The following FCRL5 variants were observed in gnomAD, a reference collection of about 807,000 sequenced individuals.
The protein encoded by FCRL5 is Fc receptor-like protein 5.
In FCRL5, 79 loss-of-function variants were observed where a neutral mutation model predicts 92.1. That is an observed-to-expected ratio of 0.86 (90% CI 0.72 to 1.03). FCRL5 has a LOEUF of 1.03. Ranked by LOEUF, FCRL5 falls within the 50% of genes least tolerant of loss-of-function variation. FCRL5 has a pLI of 0.00. For missense variants in FCRL5, 1,160 were observed against 1,181.1 expected (o/e 0.98, Z 0.26); for synonymous variants, 466 against 469.3 (o/e 0.99, Z 0.09).
intron 6 of FCRL5, 140 bp from the exon 7 acceptor site, chr1:157,539,504 T>C (rs1386544586): frequency 1.4e-6 from 1 of 733,250 alleles, no homozygotes; most frequent in Non-Finnish European, 2.1e-6. Context: ...GCAAACCTGC[T>C]TTTTATTTTA....
At chr1:157,550,131 A>G (rs958166185) in intron 1 of FCRL5, among the ~76,000 whole-genome samples, 3 of 152,124 alleles carry the variant, frequency 2.0e-5, no homozygotes, top group Non-Finnish European at 4.4e-5. Flanking sequence ...AGGGCACAGA[A>G]GTGGAGAAAT....
Position 157,542,984 on chromosome 1 carries a change from A to G in FCRL5, c.998T>C (p.Val333Ala), listed in dbSNP as rs1571106465. 6.2e-7 allele frequency: 1 copy of G among 1,614,174 alleles called. No individual in the cohort carries two copies. The highest frequency in any genetic ancestry group is 8.5e-7 in the Non-Finnish European group (1 of 1,180,018). The change falls in exon 6 of 17, where the codon GTC (valine) becomes GCC (alanine). Residue 333 changes from valine to alanine, a missense_variant. Coordinates refer to ENST00000361835, the MANE Select transcript of FCRL5 (RefSeq NM_031281.3). Reference sequence around the variant, plus strand: ...GATGGATGCTCCCCTTTCACAGCGGACTGACTTGTGCCTCAGGGGGACACC... The same window carrying G: ...GATGGATGCTCCCCTTTCACAGCGGGCTGACTTGTGCCTCAGGGGGACACC... ...HEGVPLRHKS[V>A]RCERGASISF... is the part of the protein sequence containing the mutation.
At chr1:157,539,840 T>C (rs6668170) in intron 6 of FCRL5, among the ~76,000 whole-genome samples, 2,353 of 152,352 alleles carry the variant, frequency 0.015, 48 homozygotes, top group African/African-American at 0.054. Flanking sequence ...TTGTGTATTC[T>C]GCTAAAGGTT....
chr1:157,545,116 C>T (rs4486445), intron 3 of FCRL5, 34 bp from the exon 4 acceptor site: 1 of 1,581,656 alleles, frequency 6.3e-7, no homozygotes, highest in Non-Finnish European at 8.5e-7. Context: ...TTTGGTTCAT[C>T]CTACTGTTTC....
rs1353234555 is a variant in FCRL5 at position 157,544,554 on chromosome 1, G to A, written c.560-8C>T. ...CTGGACGTGTAAATGGCTCTAGAGA[G>A]AAGAATCACAACAGTCCCAGAGCAA... On this transcript the variant is annotated splice_region_variant and splice_polypyrimidine_tract_variant and intron_variant, in intron 4 of 16. Transcript: ENST00000361835. 1 of 1,611,980 alleles carries A rather than the reference G, an allele frequency of 6.2e-7. No individual in the cohort carries two copies. The highest frequency in any genetic ancestry group is 1.3e-5 in the African/African-American group (1 of 74,854).
chr1:157,548,297 A>G (rs1651651580), intron 2 of FCRL5, among the ~76,000 whole-genome samples: 2 of 152,244 alleles, frequency 1.3e-5, no homozygotes. Context: ...CAGCAAGAAA[A>G]CAGGAGATAT....
Position 157,552,163 on chromosome 1 carries a change from A to G in FCRL5, c.31+169T>C, listed in dbSNP as rs1273023441. The stretch of plus-strand genomic sequence containing the variant: ...CCTTCCAGCTGTGGCCATTTTCTTC[A>G]GCCTCAAGAGAAAGCCCTGAGCTAC... On this transcript the variant is annotated intron_variant, in intron 1 of 16. Coordinates refer to ENST00000361835, the MANE Select transcript of FCRL5 (RefSeq NM_031281.3). Among the ~76,000 whole-genome samples, 4 of 152,204 alleles carry G rather than the reference A, an allele frequency of 2.6e-5. No homozygotes were observed. In the East Asian group the frequency reaches 5.8e-4, roughly 22 times the overall value.
chr1:157,536,142 A>G (rs1043686413), intron 7 of FCRL5, among the ~76,000 whole-genome samples: 3 of 151,804 alleles, frequency 2.0e-5, no homozygotes, highest in African/African-American at 7.3e-5. Context: ...GGATTTCACT[A>G]TGTTGGCCAG....
chr1:157,538,895 C>A (rs892491424), intron 7 of FCRL5, among the ~76,000 whole-genome samples, 191 bp downstream of exon 7: 1 of 152,190 alleles, frequency 6.6e-6, no homozygotes, highest in African/African-American at 2.4e-5. Flanking sequence ...GGTGGGAAGG[C>A]ACCCAGACTG....
Position 157,515,098 on chromosome 1 carries a change from C to A in FCRL5, c.*577G>T, listed in dbSNP as rs767434167. ...AAGTTACCTTGGTGTCAAGTGCCGA[C>A]CTTAGAGTTTGAGACAGGTGGAGGA... On this transcript the variant is annotated 3_prime_UTR_variant, in exon 17 of 17. Transcript: ENST00000361835. 3 of 160,060 alleles carry A rather than the reference C, an allele frequency of 1.9e-5. No homozygotes were observed. The highest frequency in any genetic ancestry group is 2.8e-5 in the Non-Finnish European group (2 of 72,112). 9.9% of individuals were successfully genotyped at this position (160,060 alleles called of 1,614,324 possible). A position where few individuals can be genotyped will look rare whatever the true frequency, so the allele number is the denominator to read the frequency against.
In FCRL5 at chr1:157,536,353, C is replaced by CAGTG. The variant is rs1332289898; in HGVS notation, c.1403-1465_1403-1462dup. ...TTGGTGACAGTGGGGCACACTCTCACAGTGAGTGCCTTTTCCCTTGGCCAG... is the reference window on the plus strand; with the variant it reads ...TTGGTGACAGTGGGGCACACTCTCACAGTGAGTGAGTGCCTTTTCCCTTGGCCAG... On this transcript the variant is annotated intron_variant, in intron 7 of 16. Transcript: ENST00000361835. 6.6e-5 allele frequency among the ~76,000 whole-genome samples: 10 copies of CAGTG among 152,350 alleles called. No homozygotes were observed. In the East Asian group the frequency reaches 1.9e-3, roughly 29 times the overall value.
rs569649110 is a variant in FCRL5, at chr1:157,536,088, A to G, written c.1403-1196T>C. On this transcript the variant is annotated intron_variant, in intron 7 of 16. Coordinates refer to ENST00000361835, the MANE Select transcript of FCRL5 (RefSeq NM_031281.3). ...TCCTGAGTAGCTGGCGTTACAGGCG[A>G]CCGCCACCACACCTGGCTAATTTTT... Among the ~76,000 whole-genome samples, 22 of 151,790 alleles carry G rather than the reference A, an allele frequency of 1.4e-4. No individual in the cohort carries two copies. The East Asian group carries it at 4.3e-3, about 29-fold the overall frequency.
At chr1:157,544,188 C>G (rs1300406553) in intron 5 of FCRL5, 74 bp downstream of exon 5, 6 of 1,514,328 alleles carry the variant, frequency 4.0e-6, no homozygotes, top group Non-Finnish European at 5.5e-6. Flanking sequence ...GACTGGTGAC[C>G]CACGCTGATA....
intron 15 of FCRL5, 97 bp from the exon 16 acceptor site, chr1:157,515,970 C>G: frequency 2.2e-6 from 3 of 1,351,274 alleles, no homozygotes; most frequent in Non-Finnish European, 3.1e-6. Context: ...CCTGGAGGCC[C>G]GCTCTCCCTC....
At position 157,515,667 on chromosome 1, in the gene FCRL5, G is replaced by A. The variant is rs373714991; in HGVS notation, c.*8C>T. On this transcript the variant is annotated 3_prime_UTR_variant, in exon 17 of 17. Transcript: ENST00000361835. ...AGGCTGAAACAGCAGTTGGAGAGACGTGTGGACTCATCTGTGAGGAGCTGA... is the reference window on the plus strand; with the variant it reads ...AGGCTGAAACAGCAGTTGGAGAGACATGTGGACTCATCTGTGAGGAGCTGA... 56 of 1,614,080 alleles carry A rather than the reference G, an allele frequency of 3.5e-5. No homozygotes were observed. The African/African-American group carries it at 3.6e-4, about 10-fold the overall frequency.
At chr1:157,537,512 GC>G (rs1558136437) in intron 7 of FCRL5, among the ~76,000 whole-genome samples, 21 of 151,932 alleles carry the variant, frequency 1.4e-4, no homozygotes, top group Non-Finnish European at 2.9e-5. Context: ...TTTTAATTTC[GC>G]CCCGGTCCTG....
chr1:157,542,885 C>T lies in FCRL5; in HGVS notation c.1097G>A (p.Ser366Asn). The T allele has an allele frequency of 1.9e-6, 3 of 1,613,450 alleles. No individual in the cohort carries two copies. The highest frequency in any genetic ancestry group is 2.5e-6 in the Non-Finnish European group (3 of 1,179,926). Residue 366 changes from serine to asparagine, a missense_variant, in exon 6 of 17, where the codon AGT becomes AAT. Ser to Asn is a conservative substitution (Grantham distance 46). Coordinates refer to ENST00000361835, the MANE Select transcript of FCRL5 (RefSeq NM_031281.3). ...AGTGACTGAGAGGCTCACAGCCTTACTGGGCTTGGCGCCAAGGCCATTGTC... is the reference window on the plus strand; with the variant it reads ...AGTGACTGAGAGGCTCACAGCCTTATTGGGCTTGGCGCCAAGGCCATTGTC... The part of the protein sequence containing the change: ...TADNGLGAKP[S>N]KAVSLSVTVP...
At position 157,543,058 on chromosome 1, in the gene FCRL5, A is replaced by G; in HGVS notation, c.924T>C (p.Cys308=). The change falls in exon 6 of 17, where the codon TGT becomes TGC. Residue 308 remains cysteine (C), a synonymous_variant. Transcript: ENST00000361835. The part of the protein sequence containing the change: ...NFEGTKVTLH[C]ETQEDSLRTL... ...TGCGCAGAGAATCTTCCTGGGTTTC[A>G]CAGTGAAGTGTCACCTTGGTTCCCT... The G allele has an allele frequency of 6.2e-7, 1 of 1,614,248 alleles. No individual in the cohort carries two copies. Among genetic ancestry groups the G allele is most frequent in the East Asian group, 2.2e-5 (1 of 44,884 alleles).
chr1:157,526,530 G>T lies in FCRL5; in HGVS notation c.1960+1087C>A, dbSNP rs555164682. Among the ~76,000 whole-genome samples, 6 of 152,272 alleles carry T rather than the reference G, an allele frequency of 3.9e-5. No individual in the cohort carries two copies. In the East Asian group the frequency reaches 1.2e-3, roughly 29 times the overall value. ...AGGATCCTACAGAGACAGAGATGTT[G>T]GGGGCCACAGAAGAGAAAGGGATAA... On this transcript the variant is annotated intron_variant, in intron 9 of 16. Coordinates refer to ENST00000361835, the MANE Select transcript of FCRL5 (RefSeq NM_031281.3).
Sources: gnomAD v4.1 joint callset for allele counts (sites outside exome capture counted in the v4.1 genomes callset) on GRCh38, gnomAD v4.1.1 for gene constraint, MANE v1.5 for transcripts, NCBI Gene and HGNC (gene_info 2026-07-23, HGNC 2026-07-21) for gene names.